TRIP12: variants seen among roughly 807,000 people sequenced by gnomAD.
TRIP12 encodes the protein thyroid hormone receptor interactor 12, also known as E3 ubiquitin-protein ligase TRIP12.
A neutral mutation model predicts 244.2 loss-of-function variants in TRIP12; 25 were observed. The ratio of observed to expected loss-of-function variants is 0.10; its 90% CI spans 0.07 to 0.14. The LOEUF (loss-of-function observed/expected upper bound fraction) is 0.14. TRIP12 is among the 10% of genes least tolerant of loss of function. The pLI is 1.00. For synonymous variants in TRIP12, 905 were observed against 873.1 expected (o/e 1.04, Z -0.64); for missense variants, 1,677 against 2,486.4 (o/e 0.67, Z 6.92).
intron 1 of TRIP12, among the ~76,000 whole-genome samples, chr2:229,896,608 T>C (rs866029400): frequency 9.9e-4 from 150 of 152,260 alleles, no homozygotes; most frequent in African/African-American, 3.4e-3. Flanking sequence ...CAAGACTCCG[T>C]CTCAAAAATA....
At chr2:229,836,731 A>T in intron 6 of TRIP12, 117 bp downstream of exon 6, 1 of 1,272,430 alleles carries the variant, frequency 7.9e-7, no homozygotes, top group Non-Finnish European at 1.0e-6. Flanking sequence ...TGGTAAAGTA[A>T]AACAAAACAG....
chr2:229,826,272 C>T (rs2051560496), intron 8 of TRIP12, among the ~76,000 whole-genome samples: 1 of 152,118 alleles, frequency 6.6e-6, no homozygotes, highest in Non-Finnish European at 1.5e-5. Context: ...AAAATACAGA[C>T]ACTATGTACT....
chr2:229,830,967 G>A, intron 6 of TRIP12, 128 bp from the exon 7 acceptor site: 1 of 736,736 alleles, frequency 1.4e-6, no homozygotes, highest in Non-Finnish European at 2.4e-6. Flanking sequence ...TCTTGCTACT[G>A]TACACTCAGC....
intron 8 of TRIP12, among the ~76,000 whole-genome samples, chr2:229,822,943 A>C (rs2050464527): frequency 6.6e-6 from 1 of 152,234 alleles, no homozygotes; most frequent in African/African-American, 2.4e-5. Flanking sequence ...GGGTTTAACA[A>C]AAGATTGAAG....
rs539119124 is a variant in TRIP12 at position 229,859,051 on chromosome 2, C to A, written c.748G>T (p.Ala250Ser). The A allele has an allele frequency of 6.2e-7, 1 of 1,614,156 alleles. No homozygotes were observed. The highest frequency in any genetic ancestry group is 1.3e-5 in the African/African-American group (1 of 75,020). The change falls in exon 4 of 42, where the codon GCT (alanine) becomes TCT (serine). Residue 250 changes from alanine (A) to serine (S), a missense_variant. Coordinates refer to ENST00000675903, the MANE Select transcript of TRIP12 (RefSeq NM_001348323.3). ...ACAGTGGAGGAGGCCGAGGCTACAG[C>A]AGAAGACGAGGAGGAAGTAGAGGCA... The part of the protein sequence containing the change: ...SAASTSSSSS[A>S]VASASSTVPP...
chr2:229,845,373 T>C (rs907846632), intron 4 of TRIP12, among the ~76,000 whole-genome samples: 10 of 152,240 alleles, frequency 6.6e-5, no homozygotes, highest in Non-Finnish European at 1.2e-4. Context: ...CAAATTTGAC[T>C]GGCAACCTGA....
intron 9 of TRIP12, among the ~76,000 whole-genome samples, 196 bp downstream of exon 9, chr2:229,818,168 T>C (rs942719139): frequency 1.3e-5 from 2 of 152,112 alleles, no homozygotes; most frequent in African/African-American, 4.8e-5. Context: ...AAAAAATGAT[T>C]TAGAAAATTT....
At chr2:229,835,318 T>C (rs1442625363) in intron 6 of TRIP12, among the ~76,000 whole-genome samples, 1 of 152,248 alleles carries the variant, frequency 6.6e-6, no homozygotes, top group Non-Finnish European at 1.5e-5. Flanking sequence ...TGCCTGGAAC[T>C]GTTTAGAAAG....
chr2:229,767,671 G>A lies in TRIP12; in HGVS notation c.6087C>T (p.Pro2029=), dbSNP rs781413926. The stretch of plus-strand genomic sequence containing the variant: ...GATAGTTCACACAAGTCATTACAGA[G>A]GGCAAGAAGTCATCTGGGTTTTCTG... ...ESTENPDDFL[P]SVMTCVNYLK... The change falls in exon 42 of 42, where the codon CCC becomes CCT. Residue 2029 remains proline (P), a synonymous_variant. Coordinates refer to ENST00000675903, the MANE Select transcript of TRIP12 (RefSeq NM_001348323.3). 2 of 1,614,102 alleles carry A rather than the reference G, an allele frequency of 1.2e-6. No homozygotes were observed. The highest frequency in any genetic ancestry group is 4.5e-5 in the East Asian group (2 of 44,872).
chr2:229,853,715 T>G (rs2154330626), intron 4 of TRIP12, among the ~76,000 whole-genome samples: 1 of 152,154 alleles, frequency 6.6e-6, no homozygotes, highest in African/African-American at 2.4e-5. Context: ...TGACCATAAC[T>G]CTCAATTCAA....
At chr2:229,773,160 C>T (rs1372463904) in intron 38 of TRIP12, among the ~76,000 whole-genome samples, 1 of 151,768 alleles carries the variant, frequency 6.6e-6, no homozygotes, top group Non-Finnish European at 1.5e-5. Context: ...ACTGGAACCT[C>T]CACCTCCCTG....
At chr2:229,922,365 C>T (rs1577307224), upstream of TRIP12, 9 of 737,416 alleles carry the variant, frequency 1.2e-5, no homozygotes, top group East Asian at 1.3e-4. Flanking sequence ...TTCCCTAAGA[C>T]CCTTGGAAGA....
chr2:229,849,684 G>C (rs1174713608), intron 4 of TRIP12, among the ~76,000 whole-genome samples: 1 of 151,952 alleles, frequency 6.6e-6, no homozygotes, highest in South Asian at 2.1e-4. Context: ...GCAACATAGT[G>C]AGACCTCATC....
chr2:229,904,673 C>T (rs1305289257), intron 1 of TRIP12, among the ~76,000 whole-genome samples: 1 of 151,986 alleles, frequency 6.6e-6, no homozygotes. Context: ...TTTCTTTATT[C>T]AAATTTTAAC....
chr2:229,879,398 C>T (rs2064349804), intron 2 of TRIP12, among the ~76,000 whole-genome samples: 1 of 152,204 alleles, frequency 6.6e-6, no homozygotes, highest in Non-Finnish European at 1.5e-5. Flanking sequence ...TGGAGTATTA[C>T]ATTCAAGAAA....
In TRIP12 at chr2:229,859,158, GATC is replaced by G. The variant is rs769987837; in HGVS notation, c.638_640del (p.Arg213_Ser214delinsThr). ...TGAAGCCAGCTTGGTAGGTTTCGCA[GATC>G]TCTCTTCTGCACCAGTTGATTCAGA... On this transcript the variant is annotated inframe_deletion, in exon 4 of 42. Transcript: ENST00000675903. 2.5e-6 allele frequency: 4 copies of G among 1,614,168 alleles called. No homozygotes were observed. The highest frequency in any genetic ancestry group is 3.4e-6 in the Non-Finnish European group (4 of 1,180,026).
At chr2:229,789,230 A>C (rs1037207072) in intron 31 of TRIP12, among the ~76,000 whole-genome samples, 1 of 152,210 alleles carries the variant, frequency 6.6e-6, no homozygotes, top group Non-Finnish European at 1.5e-5. Flanking sequence ...TGCAGGGCCA[A>C]TTCCTTTACT....
At chr2:229,863,784 A>G (rs1361478611) in intron 2 of TRIP12, among the ~76,000 whole-genome samples, 1 of 152,162 alleles carries the variant, frequency 6.6e-6, no homozygotes, top group Non-Finnish European at 1.5e-5. Flanking sequence ...GGAGCCTTGG[A>G]CGCCTCCTTT....
At chr2:229,887,614 A>T (rs1306481035) in intron 1 of TRIP12, among the ~76,000 whole-genome samples, 6 of 152,200 alleles carry the variant, frequency 3.9e-5, no homozygotes, top group Non-Finnish European at 7.3e-5. Context: ...ACACAGTGAG[A>T]AAGAATAGTC....
Sources: allele counts gnomAD v4.1 joint callset (sites outside exome capture counted in the v4.1 genomes callset), GRCh38; gene constraint gnomAD v4.1.1; transcripts MANE v1.5; gene names NCBI Gene and HGNC (gene_info 2026-07-23, HGNC 2026-07-21).